The following KLHL11 variants were observed in gnomAD, a reference collection of about 807,000 sequenced individuals.
The protein encoded by KLHL11 is kelch like family member 11.
Under a neutral mutation model 56.1 loss-of-function variants are expected in KLHL11, and 26 were observed. That is an observed-to-expected ratio of 0.46 (90% CI 0.34 to 0.64). The LOEUF is 0.64. Among genes scored for constraint, KLHL11 ranks in the 30% least tolerant of loss-of-function variants. KLHL11 has a pLI of 0.01. For missense variants in KLHL11, 627 were observed against 919.4 expected (o/e 0.68, Z 4.11); for synonymous variants, 338 against 345.8 (o/e 0.98, Z 0.25).
In KLHL11 at chr17:41,852,652, G is replaced by C. The variant is rs1028470373; in HGVS notation, c.*1088C>G. Among the ~76,000 whole-genome samples the C allele has an allele frequency of 8.6e-5, 13 of 151,838 alleles. No homozygotes were observed. Among genetic ancestry groups the C allele is most frequent in the African/African-American group, 2.9e-4 (12 of 41,412 alleles). On this transcript the variant is annotated 3_prime_UTR_variant, in exon 2 of 2. Coordinates refer to ENST00000319121, the MANE Select transcript of KLHL11 (RefSeq NM_018143.3). ...CTAAAAGCACAAAAATTAGCCAGGC[G>C]TGATGGTGGGTACCTGTAATCCCAG...
At chr17:41,864,620 C>G (rs939793926) in intron 1 of KLHL11, among the ~76,000 whole-genome samples, 1 of 152,266 alleles carries the variant, frequency 6.6e-6, no homozygotes, top group African/African-American at 2.4e-5. Flanking sequence ...GCTCCTTGGG[C>G]GCGGGGCGCC....
chr17:41,865,340 C>CCGA lies in KLHL11; in HGVS notation c.30_31insTCG (p.Ala10_Ala11insSer), dbSNP rs2048436351. 6.9e-7 allele frequency: 1 copy of CCGA among 1,440,676 alleles called. No individual in the cohort carries two copies. Among genetic ancestry groups the CCGA allele is most frequent in the African/African-American group, 1.5e-5 (1 of 66,272 alleles). 89.2% of individuals were successfully genotyped at this position (1,440,676 alleles called of 1,614,324 possible). A position where few individuals can be genotyped will look rare whatever the true frequency, so the allele number is the denominator to read the frequency against. ...TGAAGAGATGCAGCCGCGGCCGCCGCCGCCGCCGCCGCCACTGCCGCAGCC... is the reference window on the plus strand; with the variant it reads ...TGAAGAGATGCAGCCGCGGCCGCCGCCGACGCCGCCGCCGCCACTGCCGCAGCC... On this transcript the variant is annotated inframe_insertion, in exon 1 of 2. Transcript: ENST00000319121.
intron 1 of KLHL11, among the ~76,000 whole-genome samples, chr17:41,863,190 CTTTTTT>C (rs58265395): frequency 3.8e-5 from 5 of 133,040 alleles, no homozygotes; most frequent in South Asian, 2.4e-4. Context: ...ATCCTTTGTT[CTTTTTT>C]TTTTTTTTTT....
At chr17:41,858,295 T>C (rs2048379312) in intron 1 of KLHL11, among the ~76,000 whole-genome samples, 1 of 147,356 alleles carries the variant, frequency 6.8e-6, no homozygotes, top group South Asian at 2.3e-4. Flanking sequence ...GGTGCAATCA[T>C]GGCTCACTGC....
At position 41,855,304 on chromosome 17, in the gene KLHL11, A is replaced by G; in HGVS notation, c.563T>C (p.Leu188Ser). The G allele has an allele frequency of 6.3e-7, 1 of 1,576,440 alleles. No homozygotes were observed. The highest frequency in any genetic ancestry group is 8.6e-7 in the Non-Finnish European group (1 of 1,157,102). ...GAGAAATTCTCCACAAAATTCTTTT[A>G]AACGAATGAGTAGGAACCTAAAATC... ...ELADRFLLIR[L>S]KEFCGEFLKK... Residue 188 changes from leucine to serine, a missense_variant, in exon 2 of 2, where the codon TTA becomes TCA. Leu to Ser is a moderately radical substitution (Grantham distance 145, BLOSUM62 -2). Transcript: ENST00000319121.
intron 1 of KLHL11, among the ~76,000 whole-genome samples, chr17:41,858,408 T>TGTTG (rs1232538319): frequency 6.9e-6 from 1 of 143,960 alleles, no homozygotes; most frequent in African/African-American, 2.6e-5. Context: ...ATATATATTT[T>TGTTG]TTGTTGTTGT....
At position 41,851,569 on chromosome 17, in the gene KLHL11, T is replaced by C. The variant is rs2048332131; in HGVS notation, c.*2171A>G. On this transcript the variant is annotated 3_prime_UTR_variant, in exon 2 of 2. Transcript: ENST00000319121. The stretch of plus-strand genomic sequence containing the variant: ...GTGAGCTGAGACTGCGCAACTGCAC[T>C]CCAGCCAGGGCGACAAAGCGTGACT... The C allele has an allele frequency of 1.3e-5, 2 of 148,838 alleles. No individual in the cohort carries two copies. The highest frequency in any genetic ancestry group is 2.5e-5 in the African/African-American group (1 of 40,102). 9.2% of individuals were successfully genotyped at this position (148,838 alleles called of 1,614,324 possible).
intron 1 of KLHL11, among the ~76,000 whole-genome samples, chr17:41,863,804 G>C (rs1318362849): frequency 6.6e-6 from 1 of 152,080 alleles, no homozygotes; most frequent in Non-Finnish European, 1.5e-5. Flanking sequence ...TTAGCAAAAC[G>C]TCTTCTTCAT....
At chr17:41,855,913 T>C (rs1555622486) in intron 1 of KLHL11, among the ~76,000 whole-genome samples, 1 of 150,068 alleles carries the variant, frequency 6.7e-6, no homozygotes, top group Non-Finnish European at 1.5e-5. Flanking sequence ...GACTTCAAAG[T>C]TATCCGCCTC....
chr17:41,857,706 C>T (rs1039128899), intron 1 of KLHL11, among the ~76,000 whole-genome samples: 4 of 151,992 alleles, frequency 2.6e-5, no homozygotes, highest in African/African-American at 4.8e-5. Context: ...TTCACAGGTG[C>T]GATCACAGTG....
intron 1 of KLHL11, among the ~76,000 whole-genome samples, chr17:41,858,813 A>G (rs564046701): frequency 6.6e-6 from 1 of 152,026 alleles, no homozygotes; most frequent in African/African-American, 2.4e-5. Context: ...TAAACTCCTG[A>G]GCTCAAGCAA....
chr17:41,861,345 T>C (rs905690229), intron 1 of KLHL11, among the ~76,000 whole-genome samples: 8 of 152,204 alleles, frequency 5.3e-5, no homozygotes, highest in Non-Finnish European at 7.3e-5. Context: ...CGAGCACAAA[T>C]GTGCCTGTAA....
chr17:41,863,374 T>G (rs2048417076), intron 1 of KLHL11, among the ~76,000 whole-genome samples: 1 of 151,996 alleles, frequency 6.6e-6, no homozygotes, highest in Admixed American at 6.6e-5. Flanking sequence ...TTTTGTACGT[T>G]TAGTAGAGAC....
Position 41,849,362 on chromosome 17 carries a change from T to C in KLHL11, c.*4378A>G, listed in dbSNP as rs1187636832. ...ACTAAAATATACAAATCAGCTCTCC[T>C]GTCTACATACAGTATAGTGTTGACT... is the stretch of plus-strand genomic sequence containing the variant. On this transcript the variant is annotated 3_prime_UTR_variant, in exon 2 of 2. Transcript: ENST00000319121. 4.6e-5 allele frequency: 7 copies of C among 152,208 alleles called. No homozygotes were observed. The highest frequency in any genetic ancestry group is 8.8e-5 in the Non-Finnish European group (6 of 68,032). 9.4% of individuals were successfully genotyped at this position (152,208 alleles called of 1,614,324 possible). A position where few individuals can be genotyped will look rare whatever the true frequency, so the allele number is the denominator to read the frequency against.
chr17:41,864,783 C>T (rs2048426576), intron 1 of KLHL11, 43 bp downstream of exon 1: 1 of 1,481,902 alleles, frequency 6.7e-7, no homozygotes, highest in Non-Finnish European at 9.0e-7. Context: ...ATCTCCCCCT[C>T]TCCGCGCCCG....
At chr17:41,855,368 T>C in intron 1 of KLHL11, 47 bp from the exon 2 acceptor site, 3 of 1,390,776 alleles carry the variant, frequency 2.2e-6, no homozygotes, top group Non-Finnish European at 2.9e-6. Context: ...AATGTGCATA[T>C]TTTATGTGGT....
Position 41,865,361 on chromosome 17 carries a change from C to T in KLHL11, c.10G>A (p.Ala4Thr). MAA[A>T]AVAAAAAAAA... is the part of the protein sequence containing the mutation. The stretch of plus-strand genomic sequence containing the variant: ...GCCGCCGCCGCCGCCGCCACTGCCG[C>T]AGCCGCCATCTTGACGCCGCTGCGC... The change falls in exon 1 of 2, where the codon GCG (alanine) becomes ACG (threonine). Residue 4 changes from alanine to threonine, a missense_variant. Physicochemically the swap from Ala to Thr is moderately conservative, Grantham distance 58. This residue lies in a region of KLHL11 where 121 missense variants were observed against 116.2 expected (regional missense o/e 1.04). Coordinates refer to ENST00000319121, the MANE Select transcript of KLHL11 (RefSeq NM_018143.3). 6.9e-7 allele frequency: 1 copy of T among 1,440,272 alleles called. No homozygotes were observed. The highest frequency in any genetic ancestry group is 9.0e-7 in the Non-Finnish European group (1 of 1,108,818). 89.2% of individuals were successfully genotyped at this position (1,440,272 alleles called of 1,614,324 possible). A position where few individuals can be genotyped will look rare whatever the true frequency, so the allele number is the denominator to read the frequency against.
chr17:41,859,895 A>T (rs2048392320), intron 1 of KLHL11, among the ~76,000 whole-genome samples: 1 of 152,204 alleles, frequency 6.6e-6, no homozygotes, highest in African/African-American at 2.4e-5. Context: ...AGGATAGCCA[A>T]TTTGAGACCA....
Position 41,851,107 on chromosome 17 carries a change from GAC to G in KLHL11, c.*2631_*2632del, listed in dbSNP as rs2144148066. On this transcript the variant is annotated 3_prime_UTR_variant, in exon 2 of 2. Transcript: ENST00000319121. ...ATGACAAAATGTCTAAGAAGGTAAA[GAC>G]AGTTCTTAAGAAACAGGATAAATCA... is the stretch of plus-strand genomic sequence containing the variant. 1 of 152,256 alleles carries G rather than the reference GAC, an allele frequency of 6.6e-6. No homozygotes were observed. Among genetic ancestry groups the G allele is most frequent in the Admixed American group, 6.5e-5 (1 of 15,290 alleles). The allele number at this position is 152,256 out of a possible 1,614,324, so 9.4% of individuals were successfully genotyped here. A position where few individuals can be genotyped will look rare whatever the true frequency, so the allele number is the denominator to read the frequency against.
Sources: allele counts gnomAD v4.1 joint callset (sites outside exome capture counted in the v4.1 genomes callset), GRCh38; gene constraint gnomAD v4.1.1; regional missense constraint gnomAD v4.1.1; transcripts MANE v1.5; gene names NCBI Gene and HGNC (gene_info 2026-07-23, HGNC 2026-07-21).